MACROD2: variants seen among roughly 807,000 people sequenced by gnomAD.
The protein encoded by MACROD2 is mono-ADP ribosylhydrolase 2.
Under a neutral mutation model 70.4 loss-of-function variants are expected in MACROD2, and 36 were observed. The ratio of observed to expected loss-of-function variants is 0.51; its 90% CI spans 0.39 to 0.68. The LOEUF (loss-of-function observed/expected upper bound fraction) is 0.68. Among genes scored for constraint, MACROD2 ranks in the 30% least tolerant of loss-of-function variants. MACROD2 has a pLI of 0.00. For synonymous variants in MACROD2, 172 were observed against 178.8 expected (o/e 0.96, Z 0.30); for missense variants, 496 against 538.4 (o/e 0.92, Z 0.78).
chr20:14,974,389 G>C (rs2074719219), intron 5 of MACROD2, among the ~76,000 whole-genome samples: 1 of 152,128 alleles, frequency 6.6e-6, no homozygotes, highest in Non-Finnish European at 1.5e-5. Flanking sequence ...AATGACAATG[G>C]GTGGAGTATG....
intron 6 of MACROD2, among the ~76,000 whole-genome samples, chr20:15,366,346 A>G (rs2045409262): frequency 6.6e-6 from 1 of 152,232 alleles, no homozygotes; most frequent in Admixed American, 6.5e-5. Context: ...CAGAAAAATA[A>G]GGTGACACTT....
chr20:14,270,312 C>T (rs993310308), intron 3 of MACROD2, among the ~76,000 whole-genome samples: 3 of 152,144 alleles, frequency 2.0e-5, no homozygotes, highest in African/African-American at 4.8e-5. Flanking sequence ...GTCCTCTCAA[C>T]CGGGCACAGT....
At chr20:14,126,543 G>A (rs1569169831) in intron 3 of MACROD2, among the ~76,000 whole-genome samples, 1 of 151,752 alleles carries the variant, frequency 6.6e-6, no homozygotes, top group Non-Finnish European at 1.5e-5. Flanking sequence ...GCAAATTAAA[G>A]GTTTGTGGTA....
At chr20:14,269,979 A>G (rs749975239) in intron 3 of MACROD2, among the ~76,000 whole-genome samples, 6 of 152,138 alleles carry the variant, frequency 3.9e-5, no homozygotes, top group Non-Finnish European at 7.4e-5. Context: ...TTTTTTACCT[A>G]CTACTCCAAG....
chr20:15,724,116 A>G (rs1347270898), intron 8 of MACROD2, among the ~76,000 whole-genome samples: 2 of 152,146 alleles, frequency 1.3e-5, no homozygotes, highest in Non-Finnish European at 2.9e-5. Flanking sequence ...TTTTAATTGA[A>G]TGGCTAATTT....
intron 10 of MACROD2, among the ~76,000 whole-genome samples, chr20:15,924,770 T>A (rs1301504302): frequency 1.3e-5 from 2 of 152,228 alleles, no homozygotes; most frequent in African/African-American, 4.8e-5. Flanking sequence ...CTTTATATAC[T>A]TTCCATTCTT....
chr20:15,317,353 A>G (rs1237016069), intron 6 of MACROD2, among the ~76,000 whole-genome samples: 1 of 152,072 alleles, frequency 6.6e-6, no homozygotes, highest in East Asian at 1.9e-4. Flanking sequence ...CTATTACAGA[A>G]CAGAGATAAA....
intron 8 of MACROD2, among the ~76,000 whole-genome samples, chr20:15,678,128 G>A (rs773194242): frequency 6.6e-6 from 1 of 152,094 alleles, no homozygotes; most frequent in Non-Finnish European, 1.5e-5. Flanking sequence ...AGATTTACCT[G>A]GTTAAATAAC....
chr20:15,050,269 A>T (rs1377458360), intron 5 of MACROD2, among the ~76,000 whole-genome samples: 4 of 152,190 alleles, frequency 2.6e-5, no homozygotes, highest in African/African-American at 9.7e-5. Context: ...TTTGACTTTC[A>T]TATGGTACTG....
intron 3 of MACROD2, among the ~76,000 whole-genome samples, chr20:14,392,906 A>T (rs117440629): frequency 1.3e-5 from 2 of 152,122 alleles, no homozygotes; most frequent in Non-Finnish European, 2.9e-5. Context: ...CTGGGTCAGA[A>T]GCATTTCCAT....
At chr20:15,091,447 C>G (rs1255952842) in intron 5 of MACROD2, among the ~76,000 whole-genome samples, 1 of 151,026 alleles carries the variant, frequency 6.6e-6, no homozygotes, top group Non-Finnish European at 1.5e-5. Context: ...TTAACTAAAA[C>G]TGTTTAAAAA....
At chr20:14,978,865 T>A (rs1217088372) in intron 5 of MACROD2, among the ~76,000 whole-genome samples, 1 of 125,260 alleles carries the variant, frequency 8.0e-6, no homozygotes, top group Non-Finnish European at 1.6e-5. Flanking sequence ...ATATATATAA[T>A]ATATTATATA....
chr20:15,948,957 G>C (rs1019781888), intron 12 of MACROD2, among the ~76,000 whole-genome samples: 1 of 152,148 alleles, frequency 6.6e-6, no homozygotes, highest in Non-Finnish European at 1.5e-5. Flanking sequence ...GTCCAACATA[G>C]TGTTTTGGAC....
At chr20:15,725,534 T>C (rs905658104) in intron 8 of MACROD2, among the ~76,000 whole-genome samples, 3 of 152,042 alleles carry the variant, frequency 2.0e-5, no homozygotes, top group Non-Finnish European at 4.4e-5. Flanking sequence ...AAAAAAGATA[T>C]TCTTATTTCT....
At chr20:14,704,881 T>G (rs6110399) in intron 5 of MACROD2, among the ~76,000 whole-genome samples, 1 of 151,872 alleles carries the variant, frequency 6.6e-6, no homozygotes, top group South Asian at 2.1e-4. Flanking sequence ...TGGCAGGGGC[T>G]GGCTTTTGAG....
chr20:15,372,983 T>C (rs921015849), intron 6 of MACROD2, among the ~76,000 whole-genome samples: 2 of 152,108 alleles, frequency 1.3e-5, no homozygotes, highest in Non-Finnish European at 2.9e-5. Context: ...GACCCAGAGA[T>C]TGAGGCTGCA....
At chr20:14,215,380 A>C (rs868210530) in intron 3 of MACROD2, among the ~76,000 whole-genome samples, 4 of 147,170 alleles carry the variant, frequency 2.7e-5, no homozygotes, top group East Asian at 2.0e-4. Flanking sequence ...ACACACACAC[A>C]CCACAGTTTC....
chr20:15,050,798 G>GAA (rs34982987), intron 5 of MACROD2, among the ~76,000 whole-genome samples: 26 of 141,446 alleles, frequency 1.8e-4, no homozygotes, highest in African/African-American at 6.2e-4. Context: ...GAAGGTATGT[G>GAA]AAAAAAAAAA....
chr20:15,860,678 G>T (rs2147161368), intron 8 of MACROD2, among the ~76,000 whole-genome samples: 1 of 152,226 alleles, frequency 6.6e-6, no homozygotes, highest in Middle Eastern at 3.4e-3. Context: ...CATTTGCCAT[G>T]TTTTTCTCAA....
Sources: allele counts gnomAD v4.1 joint callset (sites outside exome capture counted in the v4.1 genomes callset), GRCh38; gene constraint gnomAD v4.1.1; transcripts MANE v1.5; gene names NCBI Gene and HGNC (gene_info 2026-07-23, HGNC 2026-07-21).